SAMD12: variants seen among roughly 807,000 people sequenced by gnomAD.
SAMD12 encodes sterile alpha motif domain containing 12.
Under a neutral mutation model 15.0 loss-of-function variants are expected in SAMD12, and 9 were observed. The observed-to-expected ratio is 0.60, with a 90% confidence interval of 0.36 to 1.05. SAMD12 has a LOEUF of 1.05. Ranked by LOEUF, SAMD12 falls within the 50% of genes least tolerant of loss-of-function variation. The pLI is 0.01. For missense variants in SAMD12, 230 were observed against 234.2 expected (o/e 0.98, Z 0.12); for synonymous variants, 86 against 90.1 (o/e 0.96, Z 0.25).
intron 1 of SAMD12, among the ~76,000 whole-genome samples, chr8:118,590,950 G>A (rs978139446): frequency 6.6e-6 from 1 of 151,898 alleles, no homozygotes; most frequent in Admixed American, 6.6e-5. Flanking sequence ...AAGACATGAA[G>A]AATAACCAAA....
chr8:118,579,489 A>T (rs1827230843), intron 2 of SAMD12, among the ~76,000 whole-genome samples: 2 of 152,162 alleles, frequency 1.3e-5, no homozygotes, highest in Admixed American at 1.3e-4. Flanking sequence ...CTTGGTAATC[A>T]TTCCCCATTC....
chr8:118,416,860 A>G (rs564925649), intron 3 of SAMD12, among the ~76,000 whole-genome samples: 1 of 152,342 alleles, frequency 6.6e-6, no homozygotes, highest in African/African-American at 2.4e-5. Flanking sequence ...TGATTCAGTT[A>G]ACTTTTTGCA....
At chr8:118,522,090 T>C (rs10113428) in intron 2 of SAMD12, among the ~76,000 whole-genome samples, 67,661 of 151,536 alleles carry the variant, frequency 0.45, 15,454 homozygotes, top group African/African-American at 0.52. Flanking sequence ...ACTGTATCTT[T>C]CCACAACTTT....
At position 118,333,913 on chromosome 8, in the gene SAMD12, G is replaced by A. The variant is rs543678554; in HGVS notation, c.433+45647C>T. ...GGGATATGTGTGTGTGTGTGTGCAC[G>A]TTGGCAGGGGGTATGTCTGTGTGTG... On this transcript the variant is annotated intron_variant, in intron 4 of 4. Coordinates refer to the SAMD12 transcript ENST00000409003. Among the ~76,000 whole-genome samples, 8 of 121,426 alleles carry A rather than the reference G, an allele frequency of 6.6e-5. No homozygotes were observed. The East Asian group carries it at 7.3e-4, about 11-fold the overall frequency. The allele number at this position is 121,426 out of a possible 152,430, so 79.7% of individuals were successfully genotyped here.
chr8:118,324,751 T>C (rs114276128), intron 4 of SAMD12, among the ~76,000 whole-genome samples: 3,407 of 152,198 alleles, frequency 0.022, 130 homozygotes, highest in African/African-American at 0.07. Context: ...GGAAAGAGCA[T>C]GGTGTTCATG....
At chr8:118,150,908 T>A in the SAMD12 span, among the ~76,000 whole-genome samples, 1 of 152,130 alleles carries the variant, frequency 6.6e-6, no homozygotes, top group African/African-American at 2.4e-5. Context: ...TTTTGGAGTA[T>A]TTTTCAAATT....
At chr8:118,537,585 T>A (rs774650119) in intron 2 of SAMD12, among the ~76,000 whole-genome samples, 14 of 152,192 alleles carry the variant, frequency 9.2e-5, no homozygotes, top group Non-Finnish European at 1.8e-4. Context: ...TTCTTCAGTA[T>A]GTCAATTGCA....
chr8:118,430,950 C>T (rs1410936252), intron 3 of SAMD12, among the ~76,000 whole-genome samples: 2 of 151,982 alleles, frequency 1.3e-5, no homozygotes, highest in Non-Finnish European at 2.9e-5. Context: ...ATTCATTGCT[C>T]TTGTTTCTCT....
intron 2 of SAMD12, among the ~76,000 whole-genome samples, chr8:118,575,410 G>T (rs1827122247): frequency 6.6e-6 from 1 of 152,120 alleles, no homozygotes; most frequent in Non-Finnish European, 1.5e-5. Context: ...CTTTTGCCTA[G>T]TTGGCCAGAT....
intron 3 of SAMD12, 124 bp downstream of exon 3, chr8:118,439,708 G>T: frequency 1.2e-6 from 1 of 849,196 alleles, no homozygotes; most frequent in Non-Finnish European, 1.9e-6. Context: ...TCACCCCTTT[G>T]GAAGTAAACC....
intron 2 of SAMD12, among the ~76,000 whole-genome samples, chr8:118,552,189 C>T (rs1190172941): frequency 3.3e-5 from 5 of 152,134 alleles, no homozygotes; most frequent in Admixed American, 6.5e-5. Context: ...AGGCCAGCAT[C>T]ATCCTGATAC....
intron 2 of SAMD12, among the ~76,000 whole-genome samples, chr8:118,542,891 C>G (rs550271874): frequency 6.6e-6 from 1 of 152,088 alleles, no homozygotes; most frequent in Non-Finnish European, 1.5e-5. Flanking sequence ...AAGGTTGTCC[C>G]TAGCCTACAG....
intron 4 of SAMD12, among the ~76,000 whole-genome samples, chr8:118,296,154 T>C (rs1814699600): frequency 6.6e-6 from 1 of 152,192 alleles, no homozygotes; most frequent in Non-Finnish European, 1.5e-5. Context: ...CAGAAAAGCA[T>C]AACCATGCCC....
chr8:118,472,151 G>C (rs751762097), intron 2 of SAMD12, among the ~76,000 whole-genome samples: 3 of 152,142 alleles, frequency 2.0e-5, no homozygotes, highest in Non-Finnish European at 4.4e-5. Context: ...GCCGGGCGTG[G>C]TGGTGGGTGC....
chr8:118,182,261 A>G, the SAMD12 span, among the ~76,000 whole-genome samples: 3 of 152,212 alleles, frequency 2.0e-5, no homozygotes, highest in South Asian at 6.2e-4. Flanking sequence ...ATCAGAGAAG[A>G]CTGAGCTTAT....
chr8:118,183,143 C>T, the SAMD12 span, among the ~76,000 whole-genome samples: 1 of 152,158 alleles, frequency 6.6e-6, no homozygotes, highest in Non-Finnish European at 1.5e-5. Flanking sequence ...TGTTGTATTC[C>T]CAGGGCCTCA....
the SAMD12 span, among the ~76,000 whole-genome samples, chr8:118,158,825 G>A: frequency 1.3e-5 from 2 of 152,092 alleles, no homozygotes; most frequent in African/African-American, 4.8e-5. Flanking sequence ...GAGCTACCCA[G>A]TGTGGGTCTC....
chr8:118,438,013 A>C (rs1476904230), intron 3 of SAMD12, among the ~76,000 whole-genome samples: 1 of 152,190 alleles, frequency 6.6e-6, no homozygotes, highest in Non-Finnish European at 1.5e-5. Context: ...CCATTATCTG[A>C]TGAAGGCTAC....
At chr8:118,338,173 A>T (rs1034515624) in intron 4 of SAMD12, among the ~76,000 whole-genome samples, 2 of 152,252 alleles carry the variant, frequency 1.3e-5, no homozygotes, top group Non-Finnish European at 2.9e-5. Flanking sequence ...GCTAAGCGTA[A>T]TGTATAACTA....
Sources: gnomAD v4.1 joint callset for allele counts (sites outside exome capture counted in the v4.1 genomes callset) on GRCh38, gnomAD v4.1.1 for gene constraint, MANE v1.5 for transcripts, NCBI Gene and HGNC (gene_info 2026-07-23, HGNC 2026-07-21) for gene names.